HERC1: variants seen among roughly 807,000 people sequenced by gnomAD.
The protein encoded by HERC1 is probable E3 ubiquitin-protein ligase HERC1.
Under a neutral mutation model 554.3 loss-of-function variants are expected in HERC1, and 160 were observed. That is an observed-to-expected ratio of 0.29 (90% CI 0.25 to 0.33). HERC1 has a LOEUF of 0.33. Among genes scored for constraint, HERC1 ranks in the 10% least tolerant of loss-of-function variants. The pLI, the probability that HERC1 is intolerant of heterozygous loss-of-function variation, is 1.00. For missense variants in HERC1, 4,919 were observed against 5,918.5 expected, an observed-to-expected ratio of 0.83 and a Z score of 5.54; for synonymous variants, 2,175 against 2,131.7, an observed-to-expected ratio of 1.02 and a Z score of -0.56.
rs2076096018 is a variant in HERC1 at position 63,775,817 on chromosome 15, C to G, written c.-26-168G>C. 6.6e-6 allele frequency among the ~76,000 whole-genome samples: 1 copy of G among 152,126 alleles called. No homozygotes were observed. The highest frequency in any genetic ancestry group is 2.1e-4 in the South Asian group (1 of 4,824). ...CTTTGGGAGGCCAAAGTGGGCAGAT[C>G]ACTTGAGGCCAGGAGTTCAAGACGA... On this transcript the variant is annotated intron_variant, in intron 1 of 77. Coordinates refer to ENST00000443617, the MANE Select transcript of HERC1 (RefSeq NM_003922.4). This position sits in a 1 kb window ranked among gnomAD's most constrained non-coding sequence, Gnocchi z 4.0.
rs529635765 is a variant in HERC1, at chr15:63,649,670, A to G, written c.10747+55T>C. On this transcript the variant is annotated intron_variant, in intron 54 of 77. Coordinates refer to ENST00000443617, the MANE Select transcript of HERC1 (RefSeq NM_003922.4). Reference sequence around the variant, plus strand: ...TTTAAAAGCAAATGCCAAAAAGCTAAGTCTAGAAAGGAAGTTGGAGACTCC... The same window carrying G: ...TTTAAAAGCAAATGCCAAAAAGCTAGGTCTAGAAAGGAAGTTGGAGACTCC... 42 of 1,415,620 alleles carry G rather than the reference A, an allele frequency of 3.0e-5. No individual in the cohort carries two copies. The South Asian group carries it at 5.0e-4, about 17-fold the overall frequency. 87.7% of individuals were successfully genotyped at this position (1,415,620 alleles called of 1,614,324 possible).
intron 1 of HERC1, among the ~76,000 whole-genome samples, chr15:63,796,425 T>G (rs1183108584): frequency 2.0e-5 from 3 of 152,242 alleles, no homozygotes; most frequent in Non-Finnish European, 4.4e-5. Flanking sequence ...TGCAAAATTA[T>G]GACAGTAAGA....
chr15:63,680,174 G>A lies in HERC1; in HGVS notation c.6466-14C>T. On this transcript the variant is annotated splice_polypyrimidine_tract_variant and intron_variant, in intron 35 of 77. Coordinates refer to ENST00000443617, the MANE Select transcript of HERC1 (RefSeq NM_003922.4). The surrounding 1 kb of genome is among the most constrained non-coding windows in gnomAD (Gnocchi z 5.8). ...TAATTTGGGTTCCTACAGTGTGGCA[G>A]CAGTGAGGAAAAGAAAAAGGAAATA... is the stretch of plus-strand genomic sequence containing the variant. 1 of 1,595,810 alleles carries A rather than the reference G, an allele frequency of 6.3e-7. No individual in the cohort carries two copies. Among genetic ancestry groups the A allele is most frequent in the Non-Finnish European group, 8.6e-7 (1 of 1,167,060 alleles).
Position 63,775,035 on chromosome 15 carries a change from T to C in HERC1, c.589A>G (p.Ile197Val), listed in dbSNP as rs370042990. The C allele has an allele frequency of 3.2e-5, 52 of 1,613,928 alleles. No individual in the cohort carries two copies. The highest frequency in any genetic ancestry group is 1.6e-4 in the Middle Eastern group (1 of 6,084). ...GGTGGCAAAGAGCTCACAACTTCAA[T>C]TGCAGTATGAATGACATCGTTGCAA... ...SLCNDVIHTA[I>V]EVVSSLPPLS... Residue 197 changes from isoleucine (I) to valine (V), a missense_variant, in exon 2 of 78, where the codon ATT becomes GTT. This residue lies in a region of HERC1 where 744 missense variants were observed against 1,090.0 expected (regional missense o/e 0.68). Coordinates refer to ENST00000443617, the MANE Select transcript of HERC1 (RefSeq NM_003922.4). The surrounding 1 kb of genome is among the most constrained non-coding windows in gnomAD (Gnocchi z 4.0).
intron 1 of HERC1, among the ~76,000 whole-genome samples, chr15:63,822,023 G>T (rs536880689): frequency 2.0e-5 from 3 of 152,314 alleles, no homozygotes; most frequent in African/African-American, 7.2e-5. Context: ...ACTGTATTCA[G>T]TGAAGATCTC....
At position 63,758,624 on chromosome 15, in the gene HERC1, CTG is replaced by C. The variant is rs575768403; in HGVS notation, c.1027-257_1027-256del. Among the ~76,000 whole-genome samples, 370 of 152,296 alleles carry C rather than the reference CTG, an allele frequency of 2.4e-3. 5 individuals carry two copies. Among genetic ancestry groups the C allele is most frequent in the South Asian group, 7.0e-3 (34 of 4,832 alleles). On this transcript the variant is annotated intron_variant, in intron 3 of 77. Coordinates refer to ENST00000443617, the MANE Select transcript of HERC1 (RefSeq NM_003922.4). The surrounding 1 kb of genome is among the most constrained non-coding windows in gnomAD (Gnocchi z 4.0). ...ACATTTTATTACTGCATACAAAACA[CTG>C]TAGAAAAACAAAGCTTAAGAAATAA...
Position 63,729,458 on chromosome 15 carries a change from T to TC in HERC1, c.3021+38dup, listed in dbSNP as rs777018314. ...CTATCCAAATATCTGAGTTTCAAGG[T>TC]CCCTGATAGATCACCATAAAAGACA... is the stretch of plus-strand genomic sequence containing the variant. On this transcript the variant is annotated intron_variant, in intron 15 of 77. Transcript: ENST00000443617. 7.5e-6 allele frequency: 12 copies of TC among 1,605,828 alleles called. No individual in the cohort carries two copies. The African/African-American group carries it at 1.5e-4, about 20-fold the overall frequency.
chr15:63,650,797 T>C (rs905743763), intron 53 of HERC1, among the ~76,000 whole-genome samples: 7 of 152,218 alleles, frequency 4.6e-5, no homozygotes, highest in Non-Finnish European at 8.8e-5. Context: ...ACAGAACACC[T>C]ATTCCTCAAA....
rs1464307345 is a variant in HERC1, at chr15:63,756,205, T to C, written c.1533+232A>G. ...AAATGAATGACTCTCAGTTTGCTTATCTGTGAAATAGGGATAATAACTACC... is the reference window on the plus strand; with the variant it reads ...AAATGAATGACTCTCAGTTTGCTTACCTGTGAAATAGGGATAATAACTACC... On this transcript the variant is annotated intron_variant, in intron 5 of 77. Transcript: ENST00000443617. This position sits in a 1 kb window ranked among gnomAD's most constrained non-coding sequence, Gnocchi z 5.0. 6.6e-6 allele frequency among the ~76,000 whole-genome samples: 1 copy of C among 152,182 alleles called. No individual in the cohort carries two copies. Among genetic ancestry groups the C allele is most frequent in the Non-Finnish European group, 1.5e-5 (1 of 68,046 alleles).
In HERC1 at chr15:63,680,511, T is replaced by C; in HGVS notation, c.6465+26A>G. 1 of 1,609,156 alleles carries C rather than the reference T, an allele frequency of 6.2e-7. No individual in the cohort carries two copies. Among genetic ancestry groups the C allele is most frequent in the East Asian group, 2.2e-5 (1 of 44,766 alleles). On this transcript the variant is annotated intron_variant, in intron 35 of 77. Coordinates refer to ENST00000443617, the MANE Select transcript of HERC1 (RefSeq NM_003922.4). This position sits in a 1 kb window ranked among gnomAD's most constrained non-coding sequence, Gnocchi z 5.8. The stretch of plus-strand genomic sequence containing the variant: ...ACTATAAATAGAAACAAGAAAAATG[T>C]AATGCTTGTGAATGGGTGTCGGTAC...
intron 22 of HERC1, among the ~76,000 whole-genome samples, chr15:63,715,058 T>C (rs553298597): frequency 2.4e-4 from 37 of 152,278 alleles, no homozygotes; most frequent in Admixed American, 5.9e-4. Context: ...TCAATTAAAG[T>C]GGTTAAGAGA....
chr15:63,757,019 G>C (rs1398421342), intron 4 of HERC1, among the ~76,000 whole-genome samples: 2 of 151,824 alleles, frequency 1.3e-5, no homozygotes, highest in East Asian at 3.9e-4. Flanking sequence ...AAAGTAAAAC[G>C]CTTAATATCC....
chr15:63,731,650 C>T lies in HERC1; in HGVS notation c.2868+1274G>A, dbSNP rs150273788. Among the ~76,000 whole-genome samples, 162 of 152,214 alleles carry T rather than the reference C, an allele frequency of 1.1e-3. 6 individuals are homozygous for T. In the East Asian group the frequency reaches 0.023, roughly 22 times the overall value. ...CACTCTGACTTAGTGATCAGCCTTT[C>T]AATGTGGGCGGGATAGAGCACTAAG... On this transcript the variant is annotated intron_variant, in intron 14 of 77. Transcript: ENST00000443617.
At position 63,773,335 on chromosome 15, in the gene HERC1, T is replaced by G. The variant is rs536596213; in HGVS notation, c.930+1359A>C. Among the ~76,000 whole-genome samples the G allele has an allele frequency of 4.7e-5, 7 of 150,350 alleles. No individual in the cohort carries two copies. In the South Asian group the frequency reaches 1.5e-3, roughly 32 times the overall value. ...AGTGCACACCTGTAATCCCAGCTACTCGGGAGGCTGAGGCAGGAGAATCGC... is the reference window on the plus strand; with the variant it reads ...AGTGCACACCTGTAATCCCAGCTACGCGGGAGGCTGAGGCAGGAGAATCGC... On this transcript the variant is annotated intron_variant, in intron 2 of 77. Transcript: ENST00000443617.
chr15:63,609,144 G>A lies in HERC1; in HGVS notation c.14523C>T (p.Asp4841=), dbSNP rs372164069. Residue 4841 remains aspartate (D), a synonymous_variant, in exon 78 of 78, where the codon GAC becomes GAT. Transcript: ENST00000443617. The part of the protein sequence containing the change: ...RYAINNCRSI[D]MDNYMLSRNV... ...TTCTCGAGAGCATGTAGTTGTCCATGTCGATTGAGCGGCAGTTGTTGATGG... is the reference window on the plus strand; with the variant it reads ...TTCTCGAGAGCATGTAGTTGTCCATATCGATTGAGCGGCAGTTGTTGATGG... 5.0e-6 allele frequency: 8 copies of A among 1,613,862 alleles called. No individual in the cohort carries two copies. The African/African-American group carries it at 1.1e-4, about 22-fold the overall frequency.
chr15:63,750,397 G>A (rs1303499308), intron 8 of HERC1, among the ~76,000 whole-genome samples: 1 of 151,768 alleles, frequency 6.6e-6, no homozygotes, highest in African/African-American at 2.4e-5. Flanking sequence ...AGGGTTAGGT[G>A]GGAAAAAAAA....
intron 1 of HERC1, among the ~76,000 whole-genome samples, chr15:63,789,280 C>T (rs2076557028): frequency 6.7e-6 from 1 of 149,054 alleles, no homozygotes; most frequent in Admixed American, 6.7e-5. Flanking sequence ...TTAGTAGAGA[C>T]GGGGTTTCAC....
At chr15:63,730,331 C>G (rs2074237980) in intron 14 of HERC1, among the ~76,000 whole-genome samples, 1 of 151,802 alleles carries the variant, frequency 6.6e-6, no homozygotes, top group Non-Finnish European at 1.5e-5. Context: ...TGGTGGTGCA[C>G]ACCTCTAGTC....
At chr15:63,662,252 G>A (rs2070394977) in intron 44 of HERC1, among the ~76,000 whole-genome samples, 1 of 151,958 alleles carries the variant, frequency 6.6e-6, no homozygotes, top group Admixed American at 6.6e-5. Flanking sequence ...ACAAGTAACT[G>A]AGTATCCTAC....
Sources: gnomAD v4.1 joint callset for allele counts (sites outside exome capture counted in the v4.1 genomes callset) on GRCh38, gnomAD v4.1.1 for gene constraint, gnomAD v4.1.1 regional missense constraint, Gnocchi (gnomAD v3.1) non-coding constraint, MANE v1.5 for transcripts, NCBI Gene and HGNC (gene_info 2026-07-23, HGNC 2026-07-21) for gene names.